Variants in ATXN7 observed in about 807,000 individuals in gnomAD.
ATXN7 encodes ataxin 7.
Under a neutral mutation model 70.5 loss-of-function variants are expected in ATXN7, and 12 were observed. The observed-to-expected ratio is 0.17, with a 90% CI of 0.11 to 0.28. The LOEUF is 0.28. Among genes scored for constraint, ATXN7 ranks in the 10% least tolerant of loss-of-function variants. ATXN7 has a pLI of 1.00. For missense variants in ATXN7, 1,256 were observed against 1,131.7 expected, an observed-to-expected ratio of 1.11 and a Z score of -1.58; for synonymous variants, 498 against 448.7, an observed-to-expected ratio of 1.11 and a Z score of -1.39.
rs920380303 is a variant in ATXN7, at chr3:63,884,466, CAAAT to C, written c.-110-13930_-110-13927del. Among the ~76,000 whole-genome samples the C allele has an allele frequency of 8.6e-5, 13 of 151,868 alleles. No individual in the cohort carries two copies. In the East Asian group the frequency reaches 2.3e-3, roughly 27 times the overall value. ...TTAAAGGCTCATATAAACATATAAA[CAAAT>C]AATATGTGATATAAAATCATAAATA... On this transcript the variant is annotated intron_variant, in intron 1 of 12. Coordinates refer to ENST00000674280, the MANE Select transcript of ATXN7 (RefSeq NM_001377405.1).
Position 63,912,591 on chromosome 3 carries a change from C to T in ATXN7, c.-8C>T. On this transcript the variant is annotated 5_prime_UTR_variant, in exon 3 of 13. Coordinates refer to ENST00000674280, the MANE Select transcript of ATXN7 (RefSeq NM_001377405.1). Reference sequence around the variant, plus strand: ...CCTTTTTTTTGTTACATTGTAGGAGCGGAAAGAATGTCGGAGCGGGCCGCG... The same window carrying T: ...CCTTTTTTTTGTTACATTGTAGGAGTGGAAAGAATGTCGGAGCGGGCCGCG... 1.8e-6 allele frequency: 2 copies of T among 1,106,054 alleles called. No individual in the cohort carries two copies. Among genetic ancestry groups the T allele is most frequent in the South Asian group, 2.4e-5 (1 of 41,008 alleles). The allele number at this position is 1,106,054 out of a possible 1,614,324, so 68.5% of individuals were successfully genotyped here.
chr3:63,865,894 CAAAAAAAAAAAAAAAAAAAAAA>C (rs34205947), intron 1 of ATXN7, among the ~76,000 whole-genome samples: 1 of 16,556 alleles, frequency 6.0e-5, no homozygotes, highest in Non-Finnish European at 1.2e-4. Flanking sequence ...GACTCCATCT[CAAAAAAAAAAAAAAAAAAAAAA>C]AAAAAAAAAG....
At chr3:63,907,480 A>C (rs1183211382) in intron 2 of ATXN7, among the ~76,000 whole-genome samples, 1 of 91,440 alleles carries the variant, frequency 1.1e-5, no homozygotes, top group Admixed American at 1.3e-4. Flanking sequence ...TTTTTTTTGT[A>C]ACAGGGTCTT....
Position 63,988,066 on chromosome 3 carries a change from C to G in ATXN7, c.1103C>G (p.Ser368Cys). The G allele has an allele frequency of 6.2e-7, 1 of 1,613,998 alleles. No individual in the cohort carries two copies. The highest frequency in any genetic ancestry group is 8.5e-7 in the Non-Finnish European group (1 of 1,179,992). The change falls in exon 9 of 13, where the codon TCC becomes TGC. Residue 368 changes from serine (S) to cysteine (C), a missense_variant. Coordinates refer to ENST00000674280, the MANE Select transcript of ATXN7 (RefSeq NM_001377405.1). The part of the protein sequence containing the change: ...CTRSLTCKTH[S>C]LTQRRAVQGR... ...TATTTTTTTGGTCCACAGACACATT[C>G]CTTAACCCAGCGCAGGGCTGTCCAG...
rs1230255582 is a variant in ATXN7 at position 64,000,143 on chromosome 3, A to G, written c.*676A>G. On this transcript the variant is annotated 3_prime_UTR_variant, in exon 13 of 13. Coordinates refer to ENST00000674280, the MANE Select transcript of ATXN7 (RefSeq NM_001377405.1). ...TTTCTAACTTACAAACTGGTTTGAAATTTTTGATGCCCAGACAGCAAGTAT... is the reference window on the plus strand; with the variant it reads ...TTTCTAACTTACAAACTGGTTTGAAGTTTTTGATGCCCAGACAGCAAGTAT... 1 of 152,596 alleles carries G rather than the reference A, an allele frequency of 6.6e-6. No individual in the cohort carries two copies. Among genetic ancestry groups the G allele is most frequent in the Non-Finnish European group, 1.5e-5 (1 of 68,046 alleles). 9.5% of individuals were successfully genotyped at this position (152,596 alleles called of 1,614,324 possible). A position where few individuals can be genotyped will look rare whatever the true frequency, so the allele number is the denominator to read the frequency against.
chr3:63,954,796 C>T (rs1324166889), intron 5 of ATXN7, among the ~76,000 whole-genome samples: 1 of 150,150 alleles, frequency 6.7e-6, no homozygotes, highest in African/African-American at 2.5e-5. Flanking sequence ...GCAACCTCTG[C>T]CTCCTGGGTT....
At chr3:63,962,031 A>G (rs1429617456) in intron 5 of ATXN7, among the ~76,000 whole-genome samples, 1 of 152,126 alleles carries the variant, frequency 6.6e-6, no homozygotes, top group African/African-American at 2.4e-5. Flanking sequence ...ATCACTTCTT[A>G]ATGCTGTGGT....
At chr3:63,922,816 G>GA (rs1342863089) in intron 4 of ATXN7, among the ~76,000 whole-genome samples, 5 of 151,988 alleles carry the variant, frequency 3.3e-5, no homozygotes, top group Admixed American at 6.6e-5. Flanking sequence ...GGTTTTAATG[G>GA]AAAAAATTAT....
intron 9 of ATXN7, among the ~76,000 whole-genome samples, chr3:63,989,008 A>T (rs1194833688): frequency 6.6e-6 from 1 of 152,152 alleles, no homozygotes. Flanking sequence ...ATTTATTGGG[A>T]GCAAGAGCTT....
chr3:63,871,930 G>A (rs932368173), intron 1 of ATXN7, among the ~76,000 whole-genome samples: 13 of 147,208 alleles, frequency 8.8e-5, no homozygotes, highest in African/African-American at 3.0e-4. Context: ...TTTTTCCTTA[G>A]CCAGTTACCT....
chr3:63,932,016 G>A (rs3774713), intron 4 of ATXN7, among the ~76,000 whole-genome samples: 1 of 151,886 alleles, frequency 6.6e-6, no homozygotes, highest in Non-Finnish European at 1.5e-5. Flanking sequence ...GTACAGTTTT[G>A]TAGGGAGAGA....
rs201920539 is a variant in ATXN7 at position 63,965,630 on chromosome 3, A to AT, written c.499+13148dup. 3.1e-3 allele frequency among the ~76,000 whole-genome samples: 469 copies of AT among 152,332 alleles called. 5 individuals carry two copies. Among genetic ancestry groups the AT allele is most frequent in the Middle Eastern group, 0.014 (4 of 294 alleles). ...ATTTTTTTCTTAGGGAAAAAGAAAT[A>AT]TGACCATGTCCCCAGACCTAGACAA... On this transcript the variant is annotated intron_variant, in intron 5 of 12. Transcript: ENST00000674280.
intron 1 of ATXN7, among the ~76,000 whole-genome samples, chr3:63,880,027 G>A (rs550463210): frequency 7.4e-4 from 112 of 151,990 alleles, no homozygotes; most frequent in Admixed American, 3.9e-3. Context: ...CAAAGGTTGC[G>A]GTGAGCTGAG....
chr3:63,992,815 G>T (rs1288536066), intron 11 of ATXN7, among the ~76,000 whole-genome samples: 2 of 152,152 alleles, frequency 1.3e-5, no homozygotes, highest in Non-Finnish European at 2.9e-5. Context: ...TGACACATAG[G>T]CTTGGGGCAG....
intron 5 of ATXN7, among the ~76,000 whole-genome samples, chr3:63,970,007 G>C (rs1187953954): frequency 6.6e-6 from 1 of 152,186 alleles, no homozygotes; most frequent in East Asian, 1.9e-4. Context: ...AAATCGGCCA[G>C]GGTGATTTAT....
In ATXN7 at chr3:63,916,665, A is replaced by G. The variant is rs558369087; in HGVS notation, c.394+3440A>G. Among the ~76,000 whole-genome samples the G allele has an allele frequency of 3.9e-5, 6 of 152,050 alleles. No homozygotes were observed. In the South Asian group the frequency reaches 1.3e-3, roughly 33 times the overall value. ...AGGGTTAATGTTGTGGCAGAAGGTT[A>G]GAACTCTTGATTTAGATGGAGGGAA... On this transcript the variant is annotated intron_variant, in intron 4 of 12. Transcript: ENST00000674280.
intron 11 of ATXN7, among the ~76,000 whole-genome samples, chr3:63,994,832 C>T (rs1291212983): frequency 3.9e-5 from 6 of 152,068 alleles, no homozygotes; most frequent in Non-Finnish European, 7.4e-5. Flanking sequence ...AAAAGGAGAC[C>T]CTCCCTGGTT....
At position 63,996,523 on chromosome 3, in the gene ATXN7, C is replaced by G. The variant is rs775905919; in HGVS notation, c.2661+40C>G. 16 of 1,563,946 alleles carry G rather than the reference C, an allele frequency of 1.0e-5. No homozygotes were observed. The African/African-American group carries it at 1.8e-4, about 18-fold the overall frequency. On this transcript the variant is annotated intron_variant, in intron 12 of 12. Transcript: ENST00000674280. ...GTGAGCCCCATGGGAATGCCCATTT[C>G]TTCTCCCTTAAGATCTTTTGTCAGC...
chr3:63,929,601 T>C (rs1704862893), intron 4 of ATXN7, among the ~76,000 whole-genome samples: 1 of 152,160 alleles, frequency 6.6e-6, no homozygotes, highest in Admixed American at 6.5e-5. Flanking sequence ...GAATTGTTAA[T>C]TTTTACTCGT....
Sources: allele counts gnomAD v4.1 joint callset (sites outside exome capture counted in the v4.1 genomes callset), GRCh38; gene constraint gnomAD v4.1.1; transcripts MANE v1.5; gene names NCBI Gene and HGNC (gene_info 2026-07-23, HGNC 2026-07-21).